The following UBTD2 variants were observed in gnomAD, a reference collection of about 807,000 sequenced individuals.
UBTD2 encodes the protein ubiquitin domain containing 2.
A neutral mutation model predicts 19.8 loss-of-function variants in UBTD2; 9 were observed. The ratio of observed to expected loss-of-function variants is 0.46; its 90% confidence interval spans 0.27 to 0.79. The LOEUF is 0.79. Ranked by LOEUF, UBTD2 falls within the 30% of genes least tolerant of loss-of-function variation. The probability of loss-of-function intolerance (pLI) is 0.14; values close to 1 mark genes in which losing one functional copy is unlikely to be tolerated. For synonymous variants in UBTD2, 98 were observed against 103.9 expected, an observed-to-expected ratio of 0.94 and a Z score of 0.35; for missense variants, 250 against 300.4, an observed-to-expected ratio of 0.83 and a Z score of 1.24.
intron 2 of UBTD2, among the ~76,000 whole-genome samples, chr5:172,221,491 G>C (rs976894862): frequency 6.6e-6 from 1 of 152,122 alleles, no homozygotes; most frequent in South Asian, 2.1e-4. Context: ...GACAGAGTAA[G>C]ACCCTATCTA....
chr5:172,212,533 G>A (rs1010913376), intron 2 of UBTD2, among the ~76,000 whole-genome samples: 3 of 152,154 alleles, frequency 2.0e-5, no homozygotes, highest in South Asian at 2.1e-4. Context: ...TACACAAGAC[G>A]TAGAGAACAT....
intron 2 of UBTD2, among the ~76,000 whole-genome samples, chr5:172,224,149 C>G (rs1771712738): frequency 6.6e-6 from 1 of 152,010 alleles, no homozygotes; most frequent in African/African-American, 2.4e-5. Context: ...TTTGGCTGTT[C>G]CCACCCAAAT....
At chr5:172,229,500 CAAAAAAAA>C (rs5873303) in intron 2 of UBTD2, among the ~76,000 whole-genome samples, 3 of 57,228 alleles carry the variant, frequency 5.2e-5, no homozygotes, top group African/African-American at 2.2e-4. Flanking sequence ...GACTCCGTCT[CAAAAAAAA>C]AAAAAAAAAA....
intron 1 of UBTD2, among the ~76,000 whole-genome samples, chr5:172,258,251 A>AG (rs935649231): frequency 2.6e-5 from 4 of 152,206 alleles, no homozygotes; most frequent in Non-Finnish European, 4.4e-5. Flanking sequence ...TTTATTGAAT[A>AG]GGGAGTCCTT....
chr5:172,263,025 C>T (rs570691929), intron 1 of UBTD2, among the ~76,000 whole-genome samples: 100 of 151,896 alleles, frequency 6.6e-4, no homozygotes, highest in African/African-American at 1.9e-3. Flanking sequence ...ACTGCAGCCA[C>T]GACCTCCGGG....
intron 2 of UBTD2, among the ~76,000 whole-genome samples, chr5:172,216,369 A>G (rs1364476676): frequency 2.6e-5 from 4 of 151,848 alleles, no homozygotes; most frequent in African/African-American, 9.7e-5. Flanking sequence ...ATGACTGAGA[A>G]TTTTCCAGAG....
At chr5:172,268,375 G>A (rs114424510) in intron 1 of UBTD2, among the ~76,000 whole-genome samples, 56 of 152,228 alleles carry the variant, frequency 3.7e-4, no homozygotes, top group African/African-American at 1.2e-3. Context: ...TAGTTCAACC[G>A]TCCTCTGTAG....
intron 1 of UBTD2, among the ~76,000 whole-genome samples, chr5:172,278,634 A>C (rs554004852): frequency 1.2e-4 from 19 of 152,356 alleles, no homozygotes; most frequent in African/African-American, 4.6e-4. Context: ...ATGGTAAGTA[A>C]ATAAACCACA....
chr5:172,238,259 G>C (rs570576962), intron 1 of UBTD2, among the ~76,000 whole-genome samples: 1 of 152,106 alleles, frequency 6.6e-6, no homozygotes, highest in Non-Finnish European at 1.5e-5. Context: ...ATAGCATATA[G>C]GACTAGGTAC....
At chr5:172,212,400 A>G (rs1237667117) in intron 2 of UBTD2, among the ~76,000 whole-genome samples, 173 bp from the exon 3 acceptor site, 2 of 152,178 alleles carry the variant, frequency 1.3e-5, no homozygotes, top group African/African-American at 4.8e-5. Flanking sequence ...TTGAGTATTT[A>G]ATTTTATATG....
In UBTD2 at chr5:172,283,203, A is replaced by G. The variant is rs1484680365; in HGVS notation, c.70+393T>C. On this transcript the variant is annotated intron_variant, in intron 1 of 2. Coordinates refer to ENST00000393792, the MANE Select transcript of UBTD2 (RefSeq NM_152277.3). This position sits in a 1 kb window ranked among gnomAD's most constrained non-coding sequence, Gnocchi z 4.3. ...GGAAAGATGTGGCGGGGCCCGTCGG[A>G]GGGAACGCATCAAGCTCCCTCCCCC... 2.0e-5 allele frequency among the ~76,000 whole-genome samples: 3 copies of G among 152,090 alleles called. No individual in the cohort carries two copies. The highest frequency in any genetic ancestry group is 4.4e-5 in the Non-Finnish European group (3 of 67,956).
At chr5:172,250,933 CAAAAAAAAAAA>C (rs56280728) in intron 1 of UBTD2, among the ~76,000 whole-genome samples, 12 of 43,948 alleles carry the variant, frequency 2.7e-4, no homozygotes, top group African/African-American at 7.1e-4. Flanking sequence ...GACCCTGTCT[CAAAAAAAAAAA>C]AAAAAAAAAA....
intron 1 of UBTD2, among the ~76,000 whole-genome samples, chr5:172,251,998 T>C (rs974692623): frequency 6.6e-6 from 1 of 152,170 alleles, no homozygotes; most frequent in African/African-American, 2.4e-5. Context: ...GTAATATTTC[T>C]CAAACAATTA....
In UBTD2 at chr5:172,209,922, C is replaced by T. The variant is rs9043; in HGVS notation, c.*1908G>A. On this transcript the variant is annotated 3_prime_UTR_variant, in exon 3 of 3. Coordinates refer to ENST00000393792, the MANE Select transcript of UBTD2 (RefSeq NM_152277.3). ...ATAGATATTGATGACATCACCAAAT[C>T]TGCTTAAGAAAAAAACAGTTTTAAA... The T allele has an allele frequency of 0.33, 50,196 of 152,348 alleles. 8,387 individuals are homozygous for T. The highest frequency in any genetic ancestry group is 0.42 in the South Asian group (2,021 of 4,826). 9.4% of individuals were successfully genotyped at this position (152,348 alleles called of 1,614,324 possible). A position where few individuals can be genotyped will look rare whatever the true frequency, so the allele number is the denominator to read the frequency against.
chr5:172,240,856 C>G (rs1489753667), intron 1 of UBTD2, among the ~76,000 whole-genome samples: 1 of 152,056 alleles, frequency 6.6e-6, no homozygotes, highest in Non-Finnish European at 1.5e-5. Context: ...AAGGCCAAGG[C>G]AGACAGATCA....
chr5:172,278,055 C>G (rs112286464), intron 1 of UBTD2, among the ~76,000 whole-genome samples: 146 of 152,162 alleles, frequency 9.6e-4, no homozygotes, highest in Non-Finnish European at 1.3e-3. Context: ...AAGAGAGAAA[C>G]TGGAACCATC....
chr5:172,241,671 C>G (rs1421526057), intron 1 of UBTD2, among the ~76,000 whole-genome samples: 1 of 151,892 alleles, frequency 6.6e-6, no homozygotes, highest in East Asian at 1.9e-4. Context: ...AAGTATAAGG[C>G]TTTTCTGACA....
At chr5:172,224,662 AGGCCTTGCTTCCCCTTTGG>A (rs565525777) in intron 2 of UBTD2, among the ~76,000 whole-genome samples, 290 of 152,222 alleles carry the variant, frequency 1.9e-3, no homozygotes, top group African/African-American at 5.8e-3. Context: ...TGCCATGTGG[AGGCCTTGCTTCCCCTTTGG>A]GGCCTTGCTT....
chr5:172,255,082 C>T (rs1183450073), intron 1 of UBTD2: 9 of 488,920 alleles, frequency 1.8e-5, no homozygotes, highest in African/African-American at 4.0e-5. Flanking sequence ...ACAAGTGGCA[C>T]GTCAAAAGGC....
Sources: gnomAD v4.1 joint callset for allele counts (sites outside exome capture counted in the v4.1 genomes callset) on GRCh38, gnomAD v4.1.1 for gene constraint, Gnocchi (gnomAD v3.1) non-coding constraint, MANE v1.5 for transcripts, NCBI Gene and HGNC (gene_info 2026-07-23, HGNC 2026-07-21) for gene names.